CYP39A1: variants seen among roughly 807,000 people sequenced by gnomAD.
The protein encoded by CYP39A1 is cytochrome P450 family 39 subfamily A member 1, also known as 24-hydroxycholesterol 7-alpha-hydroxylase.
In CYP39A1, 49 loss-of-function variants were observed where a neutral mutation model predicts 58.1. The observed-to-expected ratio is 0.84, with a 90% CI of 0.67 to 1.07. The LOEUF (loss-of-function observed/expected upper bound fraction) is 1.07, where lower values mean the gene tolerates loss of function less well. Ranked by LOEUF, CYP39A1 falls within the 50% of genes least tolerant of loss-of-function variation. The probability of loss-of-function intolerance (pLI) is 0.00; values close to 1 mark genes in which losing one functional copy is unlikely to be tolerated. For synonymous variants in CYP39A1, 209 were observed against 187.6 expected (o/e 1.11, Z -0.93); for missense variants, 531 against 539.4 (o/e 0.98, Z 0.16).
chr6:46,618,204 T>A (rs185967856), intron 7 of CYP39A1, among the ~76,000 whole-genome samples: 2 of 152,234 alleles, frequency 1.3e-5, no homozygotes, highest in Admixed American at 6.5e-5. Context: ...ATGTGTTATA[T>A]CCTTCTAATA....
chr6:46,643,210 T>C (rs1221238565), intron 1 of CYP39A1, among the ~76,000 whole-genome samples: 1 of 152,234 alleles, frequency 6.6e-6, no homozygotes, highest in Non-Finnish European at 1.5e-5. Context: ...GTTTCTTCAA[T>C]TATGAATGTG....
chr6:46,589,094 T>C (rs1190576644), intron 8 of CYP39A1, among the ~76,000 whole-genome samples: 1 of 152,152 alleles, frequency 6.6e-6, no homozygotes, highest in Non-Finnish European at 1.5e-5. Flanking sequence ...TGAAATGTCC[T>C]CAAGATATTT....
intron 11 of CYP39A1, among the ~76,000 whole-genome samples, 165 bp downstream of exon 11, chr6:46,553,602 G>A (rs956297): frequency 0.2 from 30,386 of 152,034 alleles, 3,150 homozygotes; most frequent in African/African-American, 0.21. Context: ...CTGAATTAAG[G>A]AGACCGAGTA....
chr6:46,649,129 T>C (rs560573839), intron 1 of CYP39A1, among the ~76,000 whole-genome samples: 2 of 152,342 alleles, frequency 1.3e-5, no homozygotes, highest in South Asian at 4.1e-4. Context: ...ACTCAGGTAG[T>C]CGTATTCACT....
chr6:46,604,719 C>A (rs928225579), intron 7 of CYP39A1, among the ~76,000 whole-genome samples: 1 of 152,140 alleles, frequency 6.6e-6, no homozygotes, highest in Non-Finnish European at 1.5e-5. Context: ...GGTTATATGG[C>A]ACCCATTTTT....
At chr6:46,610,382 C>T (rs1774138881) in intron 7 of CYP39A1, among the ~76,000 whole-genome samples, 1 of 152,130 alleles carries the variant, frequency 6.6e-6, no homozygotes, top group South Asian at 2.1e-4. Flanking sequence ...CACTTTGTTG[C>T]CCAGGCTGGA....
intron 10 of CYP39A1, among the ~76,000 whole-genome samples, chr6:46,584,932 C>G (rs765545187): frequency 1.3e-4 from 20 of 152,178 alleles, no homozygotes; most frequent in Middle Eastern, 3.4e-3. Context: ...CCACTTTGCC[C>G]CTACTAAGTT....
In CYP39A1 at chr6:46,596,043, G is replaced by T. The variant is rs201855604; in HGVS notation, c.1009C>A (p.Arg337Ser). Reference sequence around the variant, plus strand: ...GTAATGACACCAGGAGCTTTTAAACGAATGGTTTCCAAAACACACCATTTA... The same window carrying T: ...GTAATGACACCAGGAGCTTTTAAACTAATGGTTTCCAAAACACACCATTTA... ...LIKWCVLETIRLKAPGVITRK... is the reference protein window; with the variant it reads ...LIKWCVLETISLKAPGVITRK... Residue 337 changes from arginine (R) to serine (S), a missense_variant, in exon 8 of 12, where the codon CGT (arginine) becomes AGT (serine). Physicochemically the swap from Arg to Ser is moderately radical, Grantham distance 110. Transcript: ENST00000275016. 1.9e-6 allele frequency: 3 copies of T among 1,611,538 alleles called. No homozygotes were observed. Among genetic ancestry groups the T allele is most frequent in the Non-Finnish European group, 2.5e-6 (3 of 1,178,642 alleles).
intron 7 of CYP39A1, among the ~76,000 whole-genome samples, chr6:46,600,462 G>A (rs993086401): frequency 6.6e-6 from 1 of 152,002 alleles, no homozygotes; most frequent in Non-Finnish European, 1.5e-5. Context: ...CTAATGAAGT[G>A]ACTCTTGGAA....
intron 7 of CYP39A1, among the ~76,000 whole-genome samples, chr6:46,598,862 A>C (rs927974978): frequency 6.6e-6 from 1 of 152,214 alleles, no homozygotes; most frequent in Non-Finnish European, 1.5e-5. Context: ...ACAAACTTAG[A>C]GCAGTGCCCG....
chr6:46,627,490 C>G (rs868567838), intron 6 of CYP39A1, among the ~76,000 whole-genome samples: 2 of 151,506 alleles, frequency 1.3e-5, no homozygotes, highest in African/African-American at 4.9e-5. Context: ...GCAATCTCGG[C>G]TCACTGCAAG....
chr6:46,652,591 C>A lies in CYP39A1; in HGVS notation c.-9G>T. ...GGGGAAATTAGTTCCATGTTTTTGT[C>A]CAGCACCTTCCAGAAGCAGAAAAGT... On this transcript the variant is annotated 5_prime_UTR_variant, in exon 1 of 12. Transcript: ENST00000275016. 6.3e-7 allele frequency: 1 copy of A among 1,582,498 alleles called. No homozygotes were observed. Among genetic ancestry groups the A allele is most frequent in the South Asian group, 1.2e-5 (1 of 85,634 alleles).
chr6:46,562,019 AGTTT>A (rs904639921), intron 10 of CYP39A1, among the ~76,000 whole-genome samples: 12 of 152,060 alleles, frequency 7.9e-5, no homozygotes, highest in South Asian at 2.1e-4. Context: ...CTAAGAGAGT[AGTTT>A]GTTTGTTTGT....
chr6:46,617,334 C>G (rs1774671150), intron 7 of CYP39A1, among the ~76,000 whole-genome samples: 1 of 151,986 alleles, frequency 6.6e-6, no homozygotes, highest in African/African-American at 2.4e-5. Context: ...TAATACATAG[C>G]AGAAACAAAA....
chr6:46,650,481 A>ATTTTT (rs1762612334), intron 1 of CYP39A1, among the ~76,000 whole-genome samples: 2 of 54,794 alleles, frequency 3.7e-5, no homozygotes, highest in African/African-American at 6.5e-5. Flanking sequence ...ATGCAGTCAT[A>ATTTTT]TTCTTTTTTT....
chr6:46,641,231 G>T (rs1046447463), intron 2 of CYP39A1, among the ~76,000 whole-genome samples: 35 of 152,148 alleles, frequency 2.3e-4, no homozygotes, highest in African/African-American at 6.7e-4. Flanking sequence ...CGACTCTACA[G>T]ATCAAAGGCC....
At chr6:46,647,905 T>G (rs534929722) in intron 1 of CYP39A1, among the ~76,000 whole-genome samples, 4 of 152,254 alleles carry the variant, frequency 2.6e-5, no homozygotes, top group African/African-American at 4.8e-5. Context: ...TTGCAAAAAT[T>G]TTTTCCCATT....
intron 10 of CYP39A1, among the ~76,000 whole-genome samples, chr6:46,557,933 C>CAAAAAAAAAAAAAAAAAAAAAAAA (rs1186594398): frequency 3.2e-4 from 12 of 37,612 alleles, no homozygotes; most frequent in African/African-American, 8.9e-4. Context: ...GACTCCATCT[C>CAAAAAAAAAAAAAAAAAAAAAAAA]AAAAAAAAAA....
At chr6:46,575,943 CTGTAATTTA>C (rs1260570611) in intron 10 of CYP39A1, among the ~76,000 whole-genome samples, 21 of 152,254 alleles carry the variant, frequency 1.4e-4, no homozygotes, top group Admixed American at 1.2e-3. Flanking sequence ...ATACCTGAGA[CTGTAATTTA>C]TGAAGAAAAA....
Sources: gnomAD v4.1 joint callset for allele counts (sites outside exome capture counted in the v4.1 genomes callset) on GRCh38, gnomAD v4.1.1 for gene constraint, MANE v1.5 for transcripts, NCBI Gene and HGNC (gene_info 2026-07-23, HGNC 2026-07-21) for gene names.